The following VWC2L variants were observed in gnomAD, a reference collection of about 807,000 sequenced individuals.
VWC2L encodes the protein von Willebrand factor C domain-containing protein 2-like.
VWC2L carries 10 observed loss-of-function variants against 21.6 expected under a neutral mutation model. That is an observed-to-expected ratio of 0.46 (90% CI 0.29 to 0.78). The LOEUF is 0.78. Ranked by LOEUF, VWC2L falls within the 30% of genes least tolerant of loss-of-function variation. VWC2L has a pLI of 0.10. For synonymous variants in VWC2L, 96 were observed against 94.3 expected (o/e 1.02, Z -0.10); for missense variants, 209 against 277.1 (o/e 0.75, Z 1.74).
chr2:214,441,564 TAA>T (rs1406459895), intron 3 of VWC2L, among the ~76,000 whole-genome samples: 2 of 152,078 alleles, frequency 1.3e-5, no homozygotes, highest in Non-Finnish European at 2.9e-5. Context: ...ATAAACTTTT[TAA>T]AAGACACTTT....
rs367897730 is a variant in VWC2L, at chr2:214,438,323, A to G, written c.520+1565A>G. Among the ~76,000 whole-genome samples the G allele has an allele frequency of 7.7e-4, 117 of 152,158 alleles. 1 individual carries two copies. Among genetic ancestry groups the G allele is most frequent in the African/African-American group, 2.4e-3 (101 of 41,562 alleles). ...TTTCATTTTCTCCAAGGATAAAAGG[A>G]AGAAAAACTCAACTACCTAATCAAT... On this transcript the variant is annotated intron_variant, in intron 3 of 3. Coordinates refer to ENST00000312504, the MANE Select transcript of VWC2L (RefSeq NM_001080500.4).
Position 214,436,428 on chromosome 2 carries a change from A to G in VWC2L, c.391-201A>G, listed in dbSNP as rs967720475. On this transcript the variant is annotated intron_variant, in intron 2 of 3. Transcript: ENST00000312504. ...ACGGGTGCTTTTCTTGTTCACAGCA[A>G]CCTGAGTGCAGGTTGTAATCCACTG... is the stretch of plus-strand genomic sequence containing the variant. 5 of 552,620 alleles carry G rather than the reference A, an allele frequency of 9.0e-6. No individual in the cohort carries two copies. In the Admixed American group the frequency reaches 1.3e-4, roughly 14 times the overall value. 34.2% of individuals were successfully genotyped at this position (552,620 alleles called of 1,614,324 possible).
At position 214,499,663 on chromosome 2, in the gene VWC2L, T is replaced by A. The variant is rs111280979; in HGVS notation, c.520+62905T>A. On this transcript the variant is annotated intron_variant, in intron 3 of 3. Transcript: ENST00000312504. Reference sequence around the variant, plus strand: ...ACTTAAAGTATGATTTAAAAAATTTTAAAAAAAGAAGTTTAACAGTCTATT... The same window carrying A: ...ACTTAAAGTATGATTTAAAAAATTTAAAAAAAAGAAGTTTAACAGTCTATT... Among the ~76,000 whole-genome samples, 19 of 152,284 alleles carry A rather than the reference T, an allele frequency of 1.2e-4. No homozygotes were observed. In the East Asian group the frequency reaches 1.4e-3, roughly 11 times the overall value.
chr2:214,517,287 A>C (rs1689158797), intron 3 of VWC2L, among the ~76,000 whole-genome samples: 1 of 152,172 alleles, frequency 6.6e-6, no homozygotes, highest in Non-Finnish European at 1.5e-5. Context: ...GTTGTCTAAG[A>C]GCTAAAAAGG....
At chr2:214,436,495 T>G in intron 2 of VWC2L, 134 bp from the exon 3 acceptor site, 1 of 1,164,544 alleles carries the variant, frequency 8.6e-7, no homozygotes, top group South Asian at 1.6e-5. Context: ...GGGAGAATGA[T>G]CGTAGACATG....
intron 3 of VWC2L, among the ~76,000 whole-genome samples, chr2:214,446,725 A>T (rs2126182851): frequency 6.6e-6 from 1 of 152,212 alleles, no homozygotes; most frequent in Non-Finnish European, 1.5e-5. Context: ...CCCCCACAAA[A>T]CATACATTTT....
chr2:214,520,803 C>T (rs1186700323), intron 3 of VWC2L, among the ~76,000 whole-genome samples: 1 of 151,712 alleles, frequency 6.6e-6, no homozygotes, highest in African/African-American at 2.4e-5. Context: ...AGAACTATGG[C>T]CAGAAAAATA....
intron 3 of VWC2L, among the ~76,000 whole-genome samples, chr2:214,564,334 G>T (rs1224857287): frequency 1.3e-5 from 2 of 152,054 alleles, no homozygotes; most frequent in African/African-American, 2.4e-5. Flanking sequence ...AATTCATATG[G>T]AATCATAAAA....
chr2:214,544,707 G>A (rs1289444189), intron 3 of VWC2L, among the ~76,000 whole-genome samples: 2 of 151,966 alleles, frequency 1.3e-5, no homozygotes, highest in African/African-American at 4.8e-5. Context: ...TCTATAATAG[G>A]GGACACTACT....
At chr2:214,482,126 GA>G (rs1688611097) in intron 3 of VWC2L, among the ~76,000 whole-genome samples, 1 of 152,126 alleles carries the variant, frequency 6.6e-6, no homozygotes, top group Non-Finnish European at 1.5e-5. Flanking sequence ...AAACATGGCA[GA>G]ATAACTAAAA....
At chr2:214,471,607 C>T (rs1161810668) in intron 3 of VWC2L, among the ~76,000 whole-genome samples, 1 of 152,180 alleles carries the variant, frequency 6.6e-6, no homozygotes, top group African/African-American at 2.4e-5. Context: ...GTATTCACCA[C>T]TATTTCCTAT....
intron 3 of VWC2L, among the ~76,000 whole-genome samples, chr2:214,501,516 G>A (rs1688890208): frequency 6.6e-6 from 1 of 152,014 alleles, no homozygotes; most frequent in Non-Finnish European, 1.5e-5. Context: ...GAGGTCAGGA[G>A]CTCGAGACCA....
chr2:214,470,746 TA>T (rs1444120133), intron 3 of VWC2L, among the ~76,000 whole-genome samples: 3 of 149,862 alleles, frequency 2.0e-5, no homozygotes, highest in Non-Finnish European at 1.5e-5. Flanking sequence ...CCATCTCTAC[TA>T]AAAAAAAATA....
At chr2:214,521,789 G>T (rs922377323) in intron 3 of VWC2L, among the ~76,000 whole-genome samples, 1 of 152,170 alleles carries the variant, frequency 6.6e-6, no homozygotes, top group Non-Finnish European at 1.5e-5. Context: ...CATCATCTTG[G>T]CTTTGGCTTG....
chr2:214,425,221 T>C (rs991585795), intron 2 of VWC2L, among the ~76,000 whole-genome samples: 5 of 152,226 alleles, frequency 3.3e-5, no homozygotes, highest in African/African-American at 1.2e-4. Flanking sequence ...CAAACTGTGC[T>C]GTCACCAAAT....
intron 3 of VWC2L, among the ~76,000 whole-genome samples, chr2:214,496,326 C>A (rs1688813117): frequency 7.3e-6 from 1 of 136,310 alleles, no homozygotes; most frequent in Non-Finnish European, 1.6e-5. Context: ...AAGAAAGATG[C>A]AATAGAATGG....
intron 3 of VWC2L, among the ~76,000 whole-genome samples, chr2:214,568,837 T>C (rs575033191): frequency 6.6e-6 from 1 of 152,310 alleles, no homozygotes; most frequent in South Asian, 2.1e-4. Context: ...GCTTAATAGA[T>C]AGGATCCTCC....
At chr2:214,509,863 C>T (rs56351013) in intron 3 of VWC2L, among the ~76,000 whole-genome samples, 9,261 of 152,200 alleles carry the variant, frequency 0.061, 394 homozygotes, top group East Asian at 0.16. Flanking sequence ...TTTAATCAAC[C>T]TCTTTATTAT....
At chr2:214,470,639 T>C (rs1341017830) in intron 3 of VWC2L, among the ~76,000 whole-genome samples, 2 of 152,124 alleles carry the variant, frequency 1.3e-5, no homozygotes, top group Non-Finnish European at 2.9e-5. Flanking sequence ...CTACGTGCAG[T>C]GGCTCACACC....
Sources: gnomAD v4.1 joint callset for allele counts (sites outside exome capture counted in the v4.1 genomes callset) on GRCh38, gnomAD v4.1.1 for gene constraint, MANE v1.5 for transcripts, NCBI Gene and HGNC (gene_info 2026-07-23, HGNC 2026-07-21) for gene names.